RASGRF2: variants seen among roughly 807,000 people sequenced by gnomAD.
RASGRF2 encodes ras-specific guanine nucleotide-releasing factor 2.
A neutral mutation model predicts 151.0 loss-of-function variants in RASGRF2; 76 were observed. The ratio of observed to expected loss-of-function variants is 0.50; its 90% confidence interval spans 0.42 to 0.61. RASGRF2 has a LOEUF of 0.61. RASGRF2 is among the 20% of genes least tolerant of loss of function. The pLI is 0.00. For missense variants in RASGRF2, 1,148 were observed against 1,564.6 expected, an observed-to-expected ratio of 0.73 and a Z score of 4.49; for synonymous variants, 504 against 566.5, an observed-to-expected ratio of 0.89 and a Z score of 1.57.
intron 18 of RASGRF2, among the ~76,000 whole-genome samples, chr5:81,199,684 G>C (rs945311430): frequency 2.0e-5 from 3 of 152,078 alleles, no homozygotes; most frequent in Admixed American, 2.0e-4. Flanking sequence ...GGTTACTTGA[G>C]GTTAGGAGTT....
chr5:81,068,876 T>C (rs1303951781), intron 3 of RASGRF2, among the ~76,000 whole-genome samples: 2 of 152,172 alleles, frequency 1.3e-5, no homozygotes, highest in African/African-American at 4.8e-5. Context: ...TGAATGTACC[T>C]TTCCCGCTGT....
intron 17 of RASGRF2, among the ~76,000 whole-genome samples, chr5:81,128,422 T>C (rs571684179): frequency 9.2e-5 from 14 of 152,262 alleles, no homozygotes; most frequent in African/African-American, 3.1e-4. Context: ...AATAAATAAA[T>C]AAGCAAAAGC....
chr5:81,061,090 C>T (rs927976061), intron 2 of RASGRF2, among the ~76,000 whole-genome samples: 1 of 151,504 alleles, frequency 6.6e-6, no homozygotes, highest in Non-Finnish European at 1.5e-5. Context: ...TGGGTATGTG[C>T]CATTATGTTA....
chr5:80,988,473 G>A (rs567523084), intron 1 of RASGRF2, among the ~76,000 whole-genome samples: 1 of 152,242 alleles, frequency 6.6e-6, no homozygotes, highest in Admixed American at 6.5e-5. Flanking sequence ...TTAGAGTCTT[G>A]CTGAATTAAG....
intron 17 of RASGRF2, among the ~76,000 whole-genome samples, chr5:81,150,751 A>G (rs942002472): frequency 1.3e-5 from 2 of 152,142 alleles, no homozygotes; most frequent in African/African-American, 2.4e-5. Flanking sequence ...TTAAAAAAAC[A>G]TATACTAATG....
chr5:81,017,715 TG>T (rs1230960984), intron 1 of RASGRF2, among the ~76,000 whole-genome samples: 2 of 152,200 alleles, frequency 1.3e-5, no homozygotes, highest in Admixed American at 6.5e-5. Context: ...AACCTGCCCA[TG>T]GGATAGAGTT....
chr5:80,983,627 A>C (rs1040087301), intron 1 of RASGRF2, among the ~76,000 whole-genome samples: 13 of 152,216 alleles, frequency 8.5e-5, no homozygotes, highest in African/African-American at 3.1e-4. Flanking sequence ...AACATTTGCC[A>C]ACCTCTGCTT....
chr5:80,977,120 A>G (rs1748143481), intron 1 of RASGRF2, among the ~76,000 whole-genome samples: 1 of 152,210 alleles, frequency 6.6e-6, no homozygotes, highest in African/African-American at 2.4e-5. Context: ...CCTCCCATGA[A>G]CATGAGTATA....
intron 18 of RASGRF2, among the ~76,000 whole-genome samples, chr5:81,181,621 G>T (rs1754918997): frequency 6.6e-6 from 1 of 152,084 alleles, no homozygotes; most frequent in South Asian, 2.1e-4. Flanking sequence ...TTTTTCCACT[G>T]TCTGATGGTC....
At position 81,111,026 on chromosome 5, in the gene RASGRF2, G is replaced by T. The variant is rs1419631470; in HGVS notation, c.1839-1584G>T. ...CTTCCATCTGCACTGAGCATACTTTGGGCTGGGATGTTTCTAAGAGCAAGC... is the reference window on the plus strand; with the variant it reads ...CTTCCATCTGCACTGAGCATACTTTTGGCTGGGATGTTTCTAAGAGCAAGC... On this transcript the variant is annotated intron_variant, in intron 13 of 26. Coordinates refer to ENST00000265080, the MANE Select transcript of RASGRF2 (RefSeq NM_006909.3). 9.2e-5 allele frequency among the ~76,000 whole-genome samples: 14 copies of T among 152,292 alleles called. No individual in the cohort carries two copies. The South Asian group carries it at 2.5e-3, about 27-fold the overall frequency.
intron 1 of RASGRF2, among the ~76,000 whole-genome samples, chr5:80,966,361 C>G (rs1580145481): frequency 6.6e-6 from 1 of 152,000 alleles, no homozygotes; most frequent in Non-Finnish European, 1.5e-5. Context: ...TTACCTTAAA[C>G]AAAGACTGTA....
chr5:81,055,251 T>C (rs187134062), intron 2 of RASGRF2, among the ~76,000 whole-genome samples: 23 of 152,306 alleles, frequency 1.5e-4, no homozygotes, highest in Non-Finnish European at 2.1e-4. Flanking sequence ...CAGTATGATA[T>C]TTGCTGTGGG....
chr5:81,185,087 C>T (rs549607629), intron 18 of RASGRF2, among the ~76,000 whole-genome samples: 7 of 152,184 alleles, frequency 4.6e-5, no homozygotes, highest in East Asian at 1.9e-4. Flanking sequence ...GCTAAGAGCT[C>T]GTGAAATCAA....
intron 9 of RASGRF2, chr5:81,087,449 C>T (rs935644962): frequency 3.1e-6 from 2 of 641,544 alleles, no homozygotes; most frequent in African/African-American, 1.8e-5. Context: ...TGGTAACTCC[C>T]GTTGCCAGAT....
rs149905367 is a variant in RASGRF2 at position 81,108,659 on chromosome 5, T to A, written c.1756-337T>A. On this transcript the variant is annotated intron_variant, in intron 12 of 26. Transcript: ENST00000265080. ...GGTCCCAATCACCTCTCAAATAGCATTGGAGCTGCCAAAGAATTGTGACAA... is the reference window on the plus strand; with the variant it reads ...GGTCCCAATCACCTCTCAAATAGCAATGGAGCTGCCAAAGAATTGTGACAA... Among the ~76,000 whole-genome samples the A allele has an allele frequency of 5.6e-3, 853 of 152,270 alleles. 13 individuals carry two copies. The highest frequency in any genetic ancestry group is 0.019 in the African/African-American group (792 of 41,552).
At chr5:80,986,397 ATCTG>A (rs1400421020) in intron 1 of RASGRF2, among the ~76,000 whole-genome samples, 2 of 152,196 alleles carry the variant, frequency 1.3e-5, no homozygotes, top group Non-Finnish European at 1.5e-5. Flanking sequence ...TTATCTGTGT[ATCTG>A]TCTGTCTTTT....
chr5:81,217,076 C>T, intron 24 of RASGRF2: 2 of 449,130 alleles, frequency 4.5e-6, no homozygotes, highest in South Asian at 3.7e-5. Flanking sequence ...ACAATTACTG[C>T]TAGCAAATGC....
chr5:81,216,573 C>T (rs1266231920), intron 24 of RASGRF2, among the ~76,000 whole-genome samples: 1 of 152,144 alleles, frequency 6.6e-6, no homozygotes, highest in Admixed American at 6.5e-5. Context: ...GAACTAATTA[C>T]CAAAGTATTT....
At position 81,217,391 on chromosome 5, in the gene RASGRF2, A is replaced by G. The variant is rs1439139375; in HGVS notation, c.3470A>G (p.Tyr1157Cys). 1 of 1,613,420 alleles carries G rather than the reference A, an allele frequency of 6.2e-7. No individual in the cohort carries two copies. ...NPPAVPYLGM[Y>C]LTDLAFIEEG... ...CCTGCAGTTCCTTATCTTGGGATGT[A>G]CTTGACAGACCTGGCATTTATTGAA... The change falls in exon 25 of 27, where the codon TAC becomes TGC. Residue 1157 changes from tyrosine (Y) to cysteine (C), a missense_variant. Physicochemically the swap from Tyr to Cys is radical, Grantham distance 194. Around this residue, in one of 5 missense-constraint regions of RASGRF2, gnomAD observed 100 missense variants for 148.2 expected, o/e 0.67. Coordinates refer to ENST00000265080, the MANE Select transcript of RASGRF2 (RefSeq NM_006909.3).
Sources: allele counts gnomAD v4.1 joint callset (sites outside exome capture counted in the v4.1 genomes callset), GRCh38; gene constraint gnomAD v4.1.1; regional missense constraint gnomAD v4.1.1; transcripts MANE v1.5; gene names NCBI Gene and HGNC (gene_info 2026-07-23, HGNC 2026-07-21).